The following PDE4D variants were observed in gnomAD, a reference collection of about 807,000 sequenced individuals.
PDE4D encodes phosphodiesterase 4D, also known as 3',5'-cyclic-AMP phosphodiesterase 4D.
A neutral mutation model predicts 87.4 loss-of-function variants in PDE4D; 24 were observed. The observed-to-expected ratio is 0.27, with a 90% CI of 0.20 to 0.39. PDE4D has a LOEUF of 0.39. PDE4D is among the 10% of genes least tolerant of loss of function. The pLI, the probability that PDE4D is intolerant of heterozygous loss-of-function variation, is 1.00. For missense variants in PDE4D, 714 were observed against 1,041.0 expected (o/e 0.69, Z 4.32); for synonymous variants, 384 against 383.2 (o/e 1.00, Z -0.02).
At chr5:60,083,185 C>T (rs1171794093) in intron 2 of PDE4D, among the ~76,000 whole-genome samples, 1 of 152,158 alleles carries the variant, frequency 6.6e-6, no homozygotes, top group Non-Finnish European at 1.5e-5. Context: ...GCCTAGCTTG[C>T]AATTGGACAA....
intron 1 of PDE4D, among the ~76,000 whole-genome samples, chr5:60,518,998 C>T (rs905345574): frequency 1.1e-4 from 16 of 152,154 alleles, no homozygotes; most frequent in African/African-American, 2.9e-4. Flanking sequence ...ATTCCAGAAA[C>T]GGGGCTAACG....
intron 3 of PDE4D, among the ~76,000 whole-genome samples, chr5:59,929,375 T>A (rs927606601): frequency 7.9e-5 from 12 of 152,240 alleles, no homozygotes; most frequent in African/African-American, 1.9e-4. Flanking sequence ...CCCACTTTTT[T>A]AAAAAAACCA....
At chr5:59,701,265 T>G (rs899488303) in intron 1 of PDE4D, among the ~76,000 whole-genome samples, 2 of 152,138 alleles carry the variant, frequency 1.3e-5, no homozygotes, top group Non-Finnish European at 2.9e-5. Context: ...GGTTCTGCTT[T>G]TTGCCACTCC....
At chr5:60,177,716 G>C (rs1243810365) in intron 2 of PDE4D, among the ~76,000 whole-genome samples, 2 of 152,126 alleles carry the variant, frequency 1.3e-5, no homozygotes, top group East Asian at 3.8e-4. Flanking sequence ...AAAATACATT[G>C]TCATAGCTTT....
intron 5 of PDE4D, among the ~76,000 whole-genome samples, chr5:59,093,755 C>T (rs1769172120): frequency 6.6e-6 from 1 of 152,160 alleles, no homozygotes; most frequent in South Asian, 2.1e-4. Flanking sequence ...TAAGAATGAA[C>T]AGCCTCTTAA....
At chr5:60,063,839 AG>A (rs1771755997) in intron 2 of PDE4D, among the ~76,000 whole-genome samples, 1 of 152,086 alleles carries the variant, frequency 6.6e-6, no homozygotes, top group Non-Finnish European at 1.5e-5. Context: ...AAAAAGATTG[AG>A]GGTTTACAGA....
intron 2 of PDE4D, among the ~76,000 whole-genome samples, chr5:60,032,425 A>C (rs1767339707): frequency 6.6e-6 from 1 of 152,170 alleles, no homozygotes; most frequent in Admixed American, 6.5e-5. Flanking sequence ...CTCTTTGATG[A>C]TCTCAACACT....
At chr5:59,848,224 T>A (rs1744150897) in intron 1 of PDE4D, among the ~76,000 whole-genome samples, 1 of 152,074 alleles carries the variant, frequency 6.6e-6, no homozygotes, top group South Asian at 2.1e-4. Context: ...CTTTGGGATA[T>A]CTGATAGGTC....
At chr5:60,374,679 T>C (rs1018146869) in intron 1 of PDE4D, among the ~76,000 whole-genome samples, 2 of 152,158 alleles carry the variant, frequency 1.3e-5, no homozygotes, top group Non-Finnish European at 2.9e-5. Flanking sequence ...TAAGATACTA[T>C]CATATCTCTT....
intron 5 of PDE4D, among the ~76,000 whole-genome samples, chr5:59,109,002 T>TGTGTGTGG (rs1554071099): frequency 1.5e-4 from 21 of 143,364 alleles, no homozygotes; most frequent in African/African-American, 5.0e-4. Context: ...TGTGTGTGTG[T>TGTGTGTGG]GGTGTAGGCC....
intron 1 of PDE4D, among the ~76,000 whole-genome samples, chr5:59,505,397 C>A (rs1454511157): frequency 6.6e-6 from 1 of 152,282 alleles, no homozygotes; most frequent in East Asian, 1.9e-4. Flanking sequence ...ATTAGATTGG[C>A]CTCTTGCAGT....
At chr5:60,337,179 A>T (rs1372299721) in intron 1 of PDE4D, among the ~76,000 whole-genome samples, 1 of 149,868 alleles carries the variant, frequency 6.7e-6, no homozygotes, top group Non-Finnish European at 1.5e-5. Context: ...AAAAAAAAAA[A>T]AAATTTAGCT....
chr5:59,950,447 T>C (rs1429399194), intron 3 of PDE4D, among the ~76,000 whole-genome samples: 1 of 152,180 alleles, frequency 6.6e-6, no homozygotes, highest in Non-Finnish European at 1.5e-5. Context: ...TCATAAGTAT[T>C]ATAAAATAGA....
At chr5:59,789,557 A>C (rs951961436) in intron 1 of PDE4D, among the ~76,000 whole-genome samples, 1 of 152,236 alleles carries the variant, frequency 6.6e-6, no homozygotes, top group Non-Finnish European at 1.5e-5. Context: ...GGCTATATTG[A>C]AGTCATACAG....
chr5:60,159,863 G>C (rs1161837693), intron 2 of PDE4D, among the ~76,000 whole-genome samples: 1 of 152,186 alleles, frequency 6.6e-6, no homozygotes, highest in Non-Finnish European at 1.5e-5. Context: ...TAAAATTATA[G>C]CTGCATATAA....
At chr5:59,951,169 G>T (rs981918961) in intron 3 of PDE4D, among the ~76,000 whole-genome samples, 1 of 151,970 alleles carries the variant, frequency 6.6e-6, no homozygotes, top group South Asian at 2.1e-4. Flanking sequence ...GAAGAAAAAA[G>T]AACTAAGGAA....
At chr5:60,282,959 C>G (rs1187455902) in intron 1 of PDE4D, among the ~76,000 whole-genome samples, 1 of 152,138 alleles carries the variant, frequency 6.6e-6, no homozygotes, top group Non-Finnish European at 1.5e-5. Flanking sequence ...GTAAATATTT[C>G]ATGCACATTT....
intron 1 of PDE4D, among the ~76,000 whole-genome samples, chr5:59,222,042 C>G (rs942775205): frequency 6.6e-6 from 1 of 152,148 alleles, no homozygotes; most frequent in Non-Finnish European, 1.5e-5. Context: ...TAGCACTACT[C>G]ATGACCATTT....
chr5:59,905,687 A>C (rs532354886), intron 3 of PDE4D, among the ~76,000 whole-genome samples: 3 of 152,288 alleles, frequency 2.0e-5, no homozygotes, highest in African/African-American at 7.2e-5. Context: ...TAAAATGCTC[A>C]GCACAATATC....
Sources: gnomAD v4.1 joint callset for allele counts (sites outside exome capture counted in the v4.1 genomes callset) on GRCh38, gnomAD v4.1.1 for gene constraint, MANE v1.5 for transcripts, NCBI Gene and HGNC (gene_info 2026-07-23, HGNC 2026-07-21) for gene names.